The following ELP4 variants were observed in gnomAD, a reference collection of about 807,000 sequenced individuals.
ELP4 encodes the protein elongator complex protein 4.
Under a neutral mutation model 48.9 loss-of-function variants are expected in ELP4, and 51 were observed. That is an observed-to-expected ratio of 1.04 (90% CI 0.83 to 1.32). ELP4 has a LOEUF of 1.32. ELP4 is among the 40% of genes most tolerant of loss of function. The pLI, the probability that ELP4 is intolerant of heterozygous loss-of-function variation, is 0.00. For synonymous variants in ELP4, 210 were observed against 189.2 expected, an observed-to-expected ratio of 1.11 and a Z score of -0.90; for missense variants, 519 against 514.6, an observed-to-expected ratio of 1.01 and a Z score of -0.08.
At chr11:31,532,613 G>A (rs1444983891) in intron 2 of ELP4, among the ~76,000 whole-genome samples, 4 of 151,884 alleles carry the variant, frequency 2.6e-5, no homozygotes, top group Non-Finnish European at 5.9e-5. Context: ...ATATGCATCC[G>A]TAACTTTATG....
At chr11:31,537,783 C>G (rs1034636175) in intron 2 of ELP4, among the ~76,000 whole-genome samples, 3 of 152,128 alleles carry the variant, frequency 2.0e-5, no homozygotes, top group African/African-American at 7.2e-5. Context: ...ACCAGGCCCA[C>G]CTCCAACACC....
chr11:31,547,982 TATCTC>T (rs1461107740), intron 3 of ELP4, among the ~76,000 whole-genome samples: 1 of 152,198 alleles, frequency 6.6e-6, no homozygotes, highest in African/African-American at 2.4e-5. Context: ...TGATGGGACA[TATCTC>T]AAAATAATAA....
intron 9 of ELP4, chr11:31,719,441 A>C (rs1984389): frequency 0.58 from 229,639 of 397,534 alleles, 69,740 homozygotes; most frequent in African/African-American, 0.88. Flanking sequence ...ATGTTTTTAT[A>C]ATTCTAATAA....
At chr11:31,561,871 G>C (rs1284731751) in intron 3 of ELP4, among the ~76,000 whole-genome samples, 1 of 152,146 alleles carries the variant, frequency 6.6e-6, no homozygotes. Flanking sequence ...TACATGCAGG[G>C]TTGTTGCTAA....
chr11:31,590,470 A>G (rs990295187), intron 3 of ELP4, among the ~76,000 whole-genome samples: 38 of 152,346 alleles, frequency 2.5e-4, no homozygotes, highest in Non-Finnish European at 7.3e-5. Context: ...AGAAGAAAAC[A>G]TAAGTATAAA....
At chr11:31,591,167 G>C (rs1223420534) in intron 3 of ELP4, among the ~76,000 whole-genome samples, 1 of 152,030 alleles carries the variant, frequency 6.6e-6, no homozygotes, top group Non-Finnish European at 1.5e-5. Context: ...AGCACTTTAG[G>C]AGACCAAGGT....
At chr11:31,697,789 ATTAT>A (rs1946441289) in intron 9 of ELP4, among the ~76,000 whole-genome samples, 8 of 152,128 alleles carry the variant, frequency 5.3e-5, no homozygotes. Context: ...TCTTCCAATG[ATTAT>A]TTATAATATT....
chr11:31,603,139 T>TGATTGA (rs1957812845), intron 4 of ELP4, among the ~76,000 whole-genome samples: 4 of 152,078 alleles, frequency 2.6e-5, no homozygotes, highest in African/African-American at 9.6e-5. Context: ...TGCCAGGTTC[T>TGATTGA]GATTGATCTA....
At chr11:31,738,571 A>G (rs1947373475) in intron 9 of ELP4, among the ~76,000 whole-genome samples, 1 of 152,084 alleles carries the variant, frequency 6.6e-6, no homozygotes, top group South Asian at 2.1e-4. Flanking sequence ...CCCCATCTCT[A>G]CAAAAAATAC....
At chr11:31,603,641 A>G in intron 4 of ELP4, 127 bp from the exon 5 acceptor site, 3 of 834,674 alleles carry the variant, frequency 3.6e-6, no homozygotes, top group Non-Finnish European at 5.6e-6. Context: ...TACTTAGTGT[A>G]TGTATATCCG....
At chr11:31,722,767 T>A (rs995929542) in intron 9 of ELP4, among the ~76,000 whole-genome samples, 2 of 151,854 alleles carry the variant, frequency 1.3e-5, no homozygotes, top group Non-Finnish European at 2.9e-5. Flanking sequence ...CTGTATTTAT[T>A]TGCTAATTAA....
chr11:31,608,411 G>C (rs1455434405), intron 5 of ELP4, among the ~76,000 whole-genome samples: 1 of 152,114 alleles, frequency 6.6e-6, no homozygotes, highest in African/African-American at 2.4e-5. Flanking sequence ...CGTGAGCAGA[G>C]CTTGTTTATG....
chr11:31,602,560 A>C (rs543804725), intron 4 of ELP4, among the ~76,000 whole-genome samples: 1 of 151,996 alleles, frequency 6.6e-6, no homozygotes, highest in East Asian at 1.9e-4. Flanking sequence ...TGTCAAACCC[A>C]CAGACTCTGA....
At chr11:31,577,789 G>A (rs11031414) in intron 3 of ELP4, among the ~76,000 whole-genome samples, 39,464 of 151,972 alleles carry the variant, frequency 0.26, 5,316 homozygotes, top group South Asian at 0.34. Flanking sequence ...TTGATGGGAC[G>A]TATCTCAAAA....
At chr11:31,759,560 A>G (rs1947901842) in intron 9 of ELP4, among the ~76,000 whole-genome samples, 2 of 152,338 alleles carry the variant, frequency 1.3e-5, no homozygotes, top group South Asian at 4.1e-4. Context: ...ACTGTGTAAT[A>G]TGCATCTTCT....
chr11:31,615,172 A>G (rs1958054113), intron 5 of ELP4, among the ~76,000 whole-genome samples: 1 of 152,248 alleles, frequency 6.6e-6, no homozygotes, highest in East Asian at 1.9e-4. Context: ...TTTTTGTTCT[A>G]TATTTGCAAC....
At chr11:31,743,178 A>G (rs1045972768) in intron 9 of ELP4, among the ~76,000 whole-genome samples, 1 of 152,244 alleles carries the variant, frequency 6.6e-6, no homozygotes, top group Admixed American at 6.5e-5. Flanking sequence ...AAAGGGATCA[A>G]TTCAACAAGA....
chr11:31,527,534 C>T (rs1956316721), intron 2 of ELP4, among the ~76,000 whole-genome samples: 1 of 152,062 alleles, frequency 6.6e-6, no homozygotes, highest in Admixed American at 6.6e-5. Flanking sequence ...ACAGGTGACA[C>T]ATGCCAGAGA....
At chr11:31,611,243 A>C (rs1459879395) in intron 5 of ELP4, among the ~76,000 whole-genome samples, 2 of 152,246 alleles carry the variant, frequency 1.3e-5, no homozygotes, top group Non-Finnish European at 2.9e-5. Flanking sequence ...GCCACTAGCC[A>C]CATGCAGCGA....
Sources: gnomAD v4.1 joint callset for allele counts (sites outside exome capture counted in the v4.1 genomes callset) on GRCh38, gnomAD v4.1.1 for gene constraint, MANE v1.5 for transcripts, NCBI Gene and HGNC (gene_info 2026-07-23, HGNC 2026-07-21) for gene names.